The following SLC27A1 variants were observed in gnomAD, a reference collection of about 807,000 sequenced individuals.
The protein encoded by SLC27A1 is long-chain fatty acid transport protein 1.
In SLC27A1, 61 loss-of-function variants were observed where a neutral mutation model predicts 62.2. That is an observed-to-expected ratio of 0.98 (90% CI 0.80 to 1.21). SLC27A1 has a LOEUF of 1.21. Ranked by LOEUF, SLC27A1 falls within the 50% of genes most tolerant of loss-of-function variation. SLC27A1 has a pLI of 0.00. For missense variants in SLC27A1, 903 were observed against 932.1 expected (o/e 0.97, Z 0.41); for synonymous variants, 435 against 408.6 (o/e 1.06, Z -0.78).
At chr19:17,479,615 C>G (rs529972838) in intron 1 of SLC27A1, among the ~76,000 whole-genome samples, 2 of 149,224 alleles carry the variant, frequency 1.3e-5, no homozygotes, top group Non-Finnish European at 3.0e-5. Context: ...TTGAGACATA[C>G]TTCATATTCT....
At chr19:17,483,781 G>A (rs1159416969) in intron 1 of SLC27A1, 1 of 152,572 alleles carries the variant, frequency 6.6e-6, no homozygotes, top group Non-Finnish European at 1.5e-5. Context: ...CTCCACGCTG[G>A]TCCTCAACTG....
intron 1 of SLC27A1, among the ~76,000 whole-genome samples, chr19:17,472,693 A>AT: frequency 6.6e-6 from 1 of 151,710 alleles, no homozygotes; most frequent in East Asian, 2.0e-4. Context: ...TGCCCAGCTA[A>AT]TTTTTGTAAT....
intron 1 of SLC27A1, among the ~76,000 whole-genome samples, chr19:17,485,198 T>TC (rs2075216665): frequency 1.5e-5 from 2 of 137,222 alleles, no homozygotes; most frequent in African/African-American, 5.4e-5. Flanking sequence ...TTCCTTTTTT[T>TC]TTTTTTTTTT....
intron 1 of SLC27A1, among the ~76,000 whole-genome samples, chr19:17,484,309 T>A (rs1244264731): frequency 6.6e-6 from 1 of 151,952 alleles, no homozygotes; most frequent in Non-Finnish European, 1.5e-5. Flanking sequence ...AAGGATGGAA[T>A]GAGACCAGAT....
rs555747862 is a variant in SLC27A1 at position 17,505,937 on chromosome 19, C to A, written c.*1325C>A. The A allele has an allele frequency of 6.6e-6, 1 of 152,240 alleles. No individual in the cohort carries two copies. The highest frequency in any genetic ancestry group is 2.4e-5 in the African/African-American group (1 of 41,444). The allele number at this position is 152,240 out of a possible 1,614,324, so 9.4% of individuals were successfully genotyped here. A position where few individuals can be genotyped will look rare whatever the true frequency, so the allele number is the denominator to read the frequency against. ...GATGTCCCAGACAATCCCACCAGGA[C>A]GGCCCAGACATCCCTACTGGCTTCG... On this transcript the variant is annotated 3_prime_UTR_variant, in exon 12 of 12. Transcript: ENST00000252595.
chr19:17,486,972 G>A lies in SLC27A1; in HGVS notation c.562+15G>A, dbSNP rs375425743. 2.3e-5 allele frequency: 36 copies of A among 1,556,668 alleles called. No homozygotes were observed. Among genetic ancestry groups the A allele is most frequent in the Non-Finnish European group, 3.1e-5 (36 of 1,157,836 alleles). ...AATGGTGGCGGGTGAGGCCAGGCGT[G>A]GGCATCAGGTGGGCGGGGACCCAGG... is the stretch of plus-strand genomic sequence containing the variant. On this transcript the variant is annotated intron_variant, in intron 2 of 11. Transcript: ENST00000252595. The surrounding 1 kb of genome is among the most constrained non-coding windows in gnomAD (Gnocchi z 6.6).
intron 4 of SLC27A1, 88 bp downstream of exon 4, chr19:17,487,617 G>A: frequency 1.5e-6 from 2 of 1,296,876 alleles, no homozygotes; most frequent in Non-Finnish European, 2.2e-6. Context: ...GCTCCTGTGG[G>A]CATCTCCATG....
chr19:17,477,036 C>T (rs1243281631), intron 1 of SLC27A1, among the ~76,000 whole-genome samples: 3 of 151,310 alleles, frequency 2.0e-5, no homozygotes, highest in Admixed American at 6.6e-5. Flanking sequence ...CTATAGGTGC[C>T]CACCACCACA....
rs974358860 is a variant in SLC27A1 at position 17,486,424 on chromosome 19, T to C, written c.168-139T>C. The C allele has an allele frequency of 9.6e-7, 1 of 1,039,460 alleles. No homozygotes were observed. The highest frequency in any genetic ancestry group is 1.6e-5 in the African/African-American group (1 of 61,524). 64.4% of individuals were successfully genotyped at this position (1,039,460 alleles called of 1,614,324 possible). On this transcript the variant is annotated intron_variant, in intron 1 of 11. Transcript: ENST00000252595. This position sits in a 1 kb window ranked among gnomAD's most constrained non-coding sequence, Gnocchi z 6.6. ...CCCTTGCCCTTGGTCCACTGAGAGA[T>C]CCAGCCACCAAAAGTTTCACCATAG...
At position 17,470,758 on chromosome 19, in the gene SLC27A1, G is replaced by T. The variant is rs7248545; in HGVS notation, c.167+51G>T. 3,930 of 1,506,322 alleles carry T rather than the reference G, an allele frequency of 2.6e-3. 77 individuals are homozygous for T. The African/African-American group carries it at 0.044, about 17-fold the overall frequency. 93.3% of individuals were successfully genotyped at this position (1,506,322 alleles called of 1,614,324 possible). On this transcript the variant is annotated intron_variant, in intron 1 of 11. Coordinates refer to ENST00000252595, the MANE Select transcript of SLC27A1 (RefSeq NM_198580.3). The stretch of plus-strand genomic sequence containing the variant: ...GGCTGGGGGCGGGGCTGAGGGCTCT[G>T]GGGGCGCACGGTGCAGGGCTGGGTT...
intron 1 of SLC27A1, among the ~76,000 whole-genome samples, chr19:17,477,146 AC>A (rs1229906405): frequency 1.4e-5 from 2 of 146,274 alleles, no homozygotes; most frequent in Admixed American, 1.4e-4. Flanking sequence ...ACCTTGGCCT[AC>A]CAAAGTGCTG....
chr19:17,496,962 G>A (rs2075356145), intron 6 of SLC27A1: 1 of 322,880 alleles, frequency 3.1e-6, no homozygotes, highest in East Asian at 6.1e-5. Context: ...GTTAGAGGCT[G>A]CAGTGAGCTG....
At chr19:17,476,883 GTTTTTT>G (rs71162144) in intron 1 of SLC27A1, among the ~76,000 whole-genome samples, 1 of 131,822 alleles carries the variant, frequency 7.6e-6, no homozygotes, top group Non-Finnish European at 1.6e-5. Flanking sequence ...ATGATCATCT[GTTTTTT>G]TTTTTTTTTT....
At chr19:17,487,368 C>T (rs1402585846) in intron 3 of SLC27A1, 33 bp downstream of exon 3, 1 of 1,580,260 alleles carries the variant, frequency 6.3e-7, no homozygotes, top group African/African-American at 1.3e-5. Flanking sequence ...GCTCTATCAA[C>T]TGGTTTCCTA....
rs187268387 is a variant in SLC27A1 at position 17,485,880 on chromosome 19, C to T, written c.168-683C>T. Among the ~76,000 whole-genome samples the T allele has an allele frequency of 9.1e-4, 138 of 152,262 alleles. 6 individuals are homozygous for T. In the East Asian group the frequency reaches 0.024, roughly 27 times the overall value. On this transcript the variant is annotated intron_variant, in intron 1 of 11. Transcript: ENST00000252595. ...ATTCATCTAACAGCAAGTGGTGGCC[C>T]GCCTGCCTCCACACAATCATTCAGG...
chr19:17,501,281 G>A lies in SLC27A1; in HGVS notation c.1645G>A (p.Gly549Ser), dbSNP rs766564788. 1 of 1,613,422 alleles carries A rather than the reference G, an allele frequency of 6.2e-7. No individual in the cohort carries two copies. Among genetic ancestry groups the A allele is most frequent in the Non-Finnish European group, 8.5e-7 (1 of 1,179,952 alleles). ...VYGVAVPGVE[G>S]KAGMAAVADP... ...TGAGCCTCTGCCTCCAGGAGTGGAG[G>A]GTAAGGCAGGGATGGCGGCCGTCGC... Residue 549 changes from glycine (G) to serine (S), a missense_variant, in exon 11 of 12, where the codon GGT becomes AGT. Gly to Ser is a moderately conservative substitution (Grantham distance 56, BLOSUM62 0). Transcript: ENST00000252595.
intron 1 of SLC27A1, among the ~76,000 whole-genome samples, chr19:17,476,165 G>A (rs948598718): frequency 6.6e-6 from 1 of 152,068 alleles, no homozygotes; most frequent in African/African-American, 2.4e-5. Flanking sequence ...TGTAACATTT[G>A]TACCCCATCA....
intron 1 of SLC27A1, among the ~76,000 whole-genome samples, chr19:17,478,193 G>C (rs917078489): frequency 6.6e-6 from 1 of 152,094 alleles, no homozygotes; most frequent in Admixed American, 6.6e-5. Flanking sequence ...GCAGCTGGGC[G>C]CGGTGGCTCA....
chr19:17,496,089 T>G (rs1384167489), intron 6 of SLC27A1: 1 of 152,990 alleles, frequency 6.5e-6, no homozygotes, highest in African/African-American at 2.4e-5. Context: ...GGAAGAAATG[T>G]GGGTTTCATC....
Sources: gnomAD v4.1 joint callset for allele counts (sites outside exome capture counted in the v4.1 genomes callset) on GRCh38, gnomAD v4.1.1 for gene constraint, Gnocchi (gnomAD v3.1) non-coding constraint, MANE v1.5 for transcripts, NCBI Gene and HGNC (gene_info 2026-07-23, HGNC 2026-07-21) for gene names.